KLRG1: variants seen among roughly 807,000 people sequenced by gnomAD.
KLRG1 encodes killer cell lectin-like receptor subfamily G member 1.
KLRG1 carries 16 observed loss-of-function variants against 21.8 expected under a neutral mutation model. The ratio of observed to expected loss-of-function variants is 0.73; its 90% confidence interval spans 0.50 to 1.11. The LOEUF is 1.11. Ranked by LOEUF, KLRG1 falls within the 50% of genes most tolerant of loss-of-function variation. KLRG1 has a pLI of 0.00. For synonymous variants in KLRG1, 69 were observed against 75.9 expected (o/e 0.91, Z 0.47); for missense variants, 173 against 218.3 (o/e 0.79, Z 1.31).
chr12:9,168,778 G>A, the KLRG1 span: 9 of 942,486 alleles, frequency 9.5e-6, no homozygotes, highest in South Asian at 3.0e-5. Flanking sequence ...TGTATAAAGT[G>A]GAAATAGGGC....
chr12:9,057,086 A>G, the KLRG1 span, among the ~76,000 whole-genome samples: 56 of 152,320 alleles, frequency 3.7e-4, no homozygotes, highest in Non-Finnish European at 7.3e-4. Context: ...TGTATATTAC[A>G]GGTAGTTTTG....
the KLRG1 span, among the ~76,000 whole-genome samples, chr12:9,129,429 CTTA>C: frequency 1.3e-5 from 2 of 151,894 alleles, no homozygotes; most frequent in East Asian, 1.9e-4. Context: ...GTAATGTATA[CTTA>C]TTATAAAATA....
chr12:9,177,642 GTATTATTTA>G, the KLRG1 span, among the ~76,000 whole-genome samples: 10 of 152,138 alleles, frequency 6.6e-5, no homozygotes, highest in Non-Finnish European at 1.0e-4. Flanking sequence ...AAATGAACAT[GTATTATTTA>G]TATTGGGTGA....
chr12:9,073,885 C>T, the KLRG1 span, among the ~76,000 whole-genome samples: 4 of 151,992 alleles, frequency 2.6e-5, no homozygotes, highest in African/African-American at 7.3e-5. Context: ...CTCAGGACTT[C>T]GAGATCAGCC....
the KLRG1 span, among the ~76,000 whole-genome samples, chr12:9,102,601 C>G: frequency 6.6e-6 from 1 of 152,160 alleles, no homozygotes; most frequent in African/African-American, 2.4e-5. Context: ...ACTTTTCTTC[C>G]TGTAGAAGTT....
In KLRG1 at chr12:8,998,328, C is replaced by CA. The variant is rs959372968; in HGVS notation, c.357+3051dup. ...TAGGCAGCAGAGTGAGACACTGTCT[C>CA]AAAAAAAAAAATTCGGAGAATTAAT... On this transcript the variant is annotated intron_variant, in intron 3 of 4. Transcript: ENST00000356986. Among the ~76,000 whole-genome samples the CA allele has an allele frequency of 8.5e-3, 1,234 of 145,786 alleles. 9 individuals carry two copies. The highest frequency in any genetic ancestry group is 0.017 in the African/African-American group (663 of 39,852).
At chr12:9,202,113 T>A in the KLRG1 span, among the ~76,000 whole-genome samples, 1 of 152,188 alleles carries the variant, frequency 6.6e-6, no homozygotes, top group Non-Finnish European at 1.5e-5. Flanking sequence ...CCAGACTGAT[T>A]AAATACTGTT....
At chr12:9,165,389 G>A in the KLRG1 span, 1 of 1,612,922 alleles carries the variant, frequency 6.2e-7, no homozygotes, top group Non-Finnish European at 8.5e-7. Context: ...GGCAAGTGAA[G>A]AACAGAAATA....
the KLRG1 span, among the ~76,000 whole-genome samples, chr12:9,121,874 TA>T: frequency 6.6e-6 from 1 of 152,208 alleles, no homozygotes; most frequent in Non-Finnish European, 1.5e-5. This position sits in a 1 kb window ranked among gnomAD's most constrained non-coding sequence, Gnocchi z 4.4. Flanking sequence ...AATGCCAACT[TA>T]CCTTCTCACT....
At chr12:9,022,371 A>T in the KLRG1 span, among the ~76,000 whole-genome samples, 1 of 152,170 alleles carries the variant, frequency 6.6e-6, no homozygotes, top group Non-Finnish European at 1.5e-5. Context: ...TTACAGTCTT[A>T]TGGGAACACA....
chr12:9,081,784 C>A, the KLRG1 span, among the ~76,000 whole-genome samples: 1 of 152,152 alleles, frequency 6.6e-6, no homozygotes, highest in Non-Finnish European at 1.5e-5. Flanking sequence ...CCACTCTGGT[C>A]TCATTTCACC....
the KLRG1 span, among the ~76,000 whole-genome samples, chr12:9,088,133 T>A: frequency 1.3e-5 from 2 of 152,138 alleles, no homozygotes; most frequent in Non-Finnish European, 2.9e-5. Context: ...ATACAGTTTA[T>A]TATATGTAAA....
chr12:9,111,030 A>T, the KLRG1 span, among the ~76,000 whole-genome samples: 7 of 152,194 alleles, frequency 4.6e-5, no homozygotes, highest in Admixed American at 6.5e-5. Context: ...GTAATCATTA[A>T]GATGGGTCAT....
the KLRG1 span, among the ~76,000 whole-genome samples, chr12:9,120,869 G>GTGTGTGTGTC: frequency 6.0e-5 from 9 of 150,972 alleles, no homozygotes; most frequent in Non-Finnish European, 4.4e-5. Flanking sequence ...GTGTGTGTGT[G>GTGTGTGTGTC]TGTGTGTGTG....
the KLRG1 span, among the ~76,000 whole-genome samples, chr12:9,050,831 A>G: frequency 6.6e-6 from 1 of 152,212 alleles, no homozygotes; most frequent in Non-Finnish European, 1.5e-5. Flanking sequence ...GGGCCCAGGA[A>G]GGTCCCTCCC....
the KLRG1 span, chr12:9,169,404 A>T: frequency 6.5e-7 from 1 of 1,543,156 alleles, no homozygotes; most frequent in Non-Finnish European, 8.8e-7. Context: ...ACAAGCCAGC[A>T]TGTTAATAAG....
the KLRG1 span, chr12:9,113,310 TG>T: frequency 6.3e-7 from 1 of 1,591,688 alleles, no homozygotes; most frequent in South Asian, 1.1e-5. Flanking sequence ...TAGATCCCTA[TG>T]ACCCTGACTA....
At chr12:9,172,778 TATC>T in the KLRG1 span, among the ~76,000 whole-genome samples, 1 of 141,226 alleles carries the variant, frequency 7.1e-6, no homozygotes, top group African/African-American at 3.2e-5. Flanking sequence ...AAGAGCTAAC[TATC>T]CTAAATATAT....
chr12:9,109,839 ATGCT>A, the KLRG1 span: 1 of 1,560,780 alleles, frequency 6.4e-7, no homozygotes, highest in Non-Finnish European at 8.6e-7. Context: ...AAGAAAAATA[ATGCT>A]TGATGACTTT....
Sources: allele counts gnomAD v4.1 joint callset (sites outside exome capture counted in the v4.1 genomes callset), GRCh38; gene constraint gnomAD v4.1.1; non-coding constraint Gnocchi (gnomAD v3.1); transcripts MANE v1.5; gene names NCBI Gene and HGNC (gene_info 2026-07-23, HGNC 2026-07-21).